WDPCP: variants seen among roughly 807,000 people sequenced by gnomAD.
WDPCP encodes WD repeat containing planar cell polarity effector.
In WDPCP, 71 loss-of-function variants were observed where a neutral mutation model predicts 93.1. That is an observed-to-expected ratio of 0.76 (90% confidence interval 0.63 to 0.93). The LOEUF (loss-of-function observed/expected upper bound fraction) is 0.93. Among genes scored for constraint, WDPCP ranks in the 40% least tolerant of loss-of-function variants. The pLI, the probability that WDPCP is intolerant of heterozygous loss-of-function variation, is 0.00. For synonymous variants in WDPCP, 315 were observed against 315.0 expected (o/e 1.00, Z 0.00); for missense variants, 844 against 887.4 (o/e 0.95, Z 0.62).
At chr2:63,789,100 A>T (rs1483020656) in intron 2 of WDPCP, among the ~76,000 whole-genome samples, 1 of 152,170 alleles carries the variant, frequency 6.6e-6, no homozygotes, top group Non-Finnish European at 1.5e-5. Context: ...TCACATAATT[A>T]TTGTTATATG....
intron 10 of WDPCP, among the ~76,000 whole-genome samples, chr2:63,399,640 G>A (rs1693997129): frequency 6.6e-6 from 1 of 151,606 alleles, no homozygotes; most frequent in East Asian, 1.9e-4. Flanking sequence ...GAGTATGTGA[G>A]AAAGAGAGAG....
At chr2:63,211,963 G>T (rs1333690427) in intron 14 of WDPCP, among the ~76,000 whole-genome samples, 1 of 152,280 alleles carries the variant, frequency 6.6e-6, no homozygotes, top group African/African-American at 2.4e-5. Flanking sequence ...GAAATATGGG[G>T]ACTATGTGAA....
intron 14 of WDPCP, among the ~76,000 whole-genome samples, chr2:63,188,801 G>C (rs979008895): frequency 1.3e-5 from 2 of 152,088 alleles, no homozygotes; most frequent in Admixed American, 6.5e-5. Context: ...TTTCTTTAAG[G>C]CAAATTTCTG....
chr2:63,482,679 T>G (rs1300445574), intron 6 of WDPCP, among the ~76,000 whole-genome samples: 2 of 151,836 alleles, frequency 1.3e-5, no homozygotes, highest in East Asian at 3.9e-4. Context: ...TGTTAGGAGG[T>G]CTCTCAAAGA....
chr2:63,645,396 G>A lies in WDPCP; in HGVS notation n.488+5263C>T, dbSNP rs1014240233. On this transcript the variant is annotated intron_variant and non_coding_transcript_variant, in intron 3 of 4. Coordinates refer to the WDPCP transcript ENST00000467687. Reference sequence around the variant, plus strand: ...GATAGTATTTCAATTTTTTTTGCATGTTTTAAGGCTTGTTTTATGATCTAA... The same window carrying A: ...GATAGTATTTCAATTTTTTTTGCATATTTTAAGGCTTGTTTTATGATCTAA... Among the ~76,000 whole-genome samples the A allele has an allele frequency of 2.6e-5, 4 of 151,842 alleles. No homozygotes were observed. The East Asian group carries it at 7.7e-4, about 29-fold the overall frequency.
chr2:63,211,473 C>G (rs1676796263), intron 14 of WDPCP, among the ~76,000 whole-genome samples: 1 of 152,156 alleles, frequency 6.6e-6, no homozygotes, highest in South Asian at 2.1e-4. Flanking sequence ...TCAACATCAT[C>G]AAATACCAAA....
intron 10 of WDPCP, 21 bp from the exon 11 acceptor site, chr2:63,382,115 C>T: frequency 6.2e-7 from 1 of 1,606,102 alleles, no homozygotes; most frequent in Non-Finnish European, 8.5e-7. Flanking sequence ...ACATGGAAAA[C>T]CAGGTGAATC....
intron 12 of WDPCP, among the ~76,000 whole-genome samples, chr2:63,325,665 A>T (rs1687476717): frequency 6.6e-6 from 1 of 152,198 alleles, no homozygotes; most frequent in African/African-American, 2.4e-5. Flanking sequence ...CTCTTTTCAC[A>T]TGCCTTTCTT....
chr2:63,814,601 A>T (rs1172191128), intron 1 of WDPCP, among the ~76,000 whole-genome samples: 1 of 152,238 alleles, frequency 6.6e-6, no homozygotes, highest in African/African-American at 2.4e-5. Context: ...TATAGTTGAA[A>T]ATATTCCTGA....
chr2:63,182,232 G>C (rs181899370), intron 14 of WDPCP, among the ~76,000 whole-genome samples: 9 of 151,986 alleles, frequency 5.9e-5, no homozygotes, highest in African/African-American at 2.2e-4. Flanking sequence ...CCAGTTCTTC[G>C]GGAGACTGCT....
chr2:63,390,596 A>T (rs1217882246), intron 10 of WDPCP, among the ~76,000 whole-genome samples: 2 of 152,222 alleles, frequency 1.3e-5, no homozygotes, highest in Non-Finnish European at 2.9e-5. Context: ...CTTTCAAAAA[A>T]ATCAATGAAT....
chr2:63,171,232 T>C (rs565496964), intron 15 of WDPCP, among the ~76,000 whole-genome samples: 1 of 152,332 alleles, frequency 6.6e-6, no homozygotes, highest in South Asian at 2.1e-4. Flanking sequence ...TGGAAACTTT[T>C]GCACTTCAAA....
rs532695261 is a variant in WDPCP at position 63,716,451 on chromosome 2, A to G, written n.309-65613T>C. 1.6e-3 allele frequency among the ~76,000 whole-genome samples: 247 copies of G among 152,286 alleles called. 2 individuals carry two copies. Among genetic ancestry groups the G allele is most frequent in the Non-Finnish European group, 2.9e-3 (198 of 68,012 alleles). On this transcript the variant is annotated intron_variant and non_coding_transcript_variant, in intron 2 of 4. Coordinates refer to the WDPCP transcript ENST00000467687. ...TGATCATCTCTGTGGCACTTTTGTCATTATTTTAAACGTCTTTATTGTCCT... is the reference window on the plus strand; with the variant it reads ...TGATCATCTCTGTGGCACTTTTGTCGTTATTTTAAACGTCTTTATTGTCCT...
At chr2:63,161,728 A>G (rs903987919) in intron 15 of WDPCP, among the ~76,000 whole-genome samples, 1 of 151,974 alleles carries the variant, frequency 6.6e-6, no homozygotes, top group Non-Finnish European at 1.5e-5. Context: ...TTAATAAAAT[A>G]TATGTTGTAA....
At chr2:63,156,420 A>C (rs1229253044) in intron 15 of WDPCP, among the ~76,000 whole-genome samples, 1 of 152,140 alleles carries the variant, frequency 6.6e-6, no homozygotes, top group African/African-American at 2.4e-5. Context: ...TTTGGTTTTC[A>C]ATTGTACATT....
chr2:63,210,773 C>G (rs943921510), intron 14 of WDPCP, among the ~76,000 whole-genome samples: 2 of 152,194 alleles, frequency 1.3e-5, no homozygotes, highest in African/African-American at 2.4e-5. Context: ...TGCGCTTTTC[C>G]AATGGTCTTA....
intron 2 of WDPCP, among the ~76,000 whole-genome samples, chr2:63,725,644 C>T (rs1050041414): frequency 4.6e-5 from 7 of 152,166 alleles, no homozygotes; most frequent in African/African-American, 1.7e-4. Context: ...AGTGGCTGAA[C>T]TAATTTACAC....
intron 10 of WDPCP, among the ~76,000 whole-genome samples, chr2:63,403,124 A>G (rs1484801892): frequency 2.0e-5 from 3 of 152,122 alleles, no homozygotes; most frequent in Non-Finnish European, 4.4e-5. Flanking sequence ...TTTTTGCAGG[A>G]ACTTGGACGG....
intron 6 of WDPCP, among the ~76,000 whole-genome samples, chr2:63,453,701 C>A (rs1029383301): frequency 3.7e-4 from 56 of 152,164 alleles, no homozygotes; most frequent in African/African-American, 1.3e-3. Context: ...ACCCAAATGT[C>A]CAACAATGAC....
Sources: gnomAD v4.1 joint callset for allele counts (sites outside exome capture counted in the v4.1 genomes callset) on GRCh38, gnomAD v4.1.1 for gene constraint, MANE v1.5 for transcripts, NCBI Gene and HGNC (gene_info 2026-07-23, HGNC 2026-07-21) for gene names.